CFAP74: variants seen among roughly 807,000 people sequenced by gnomAD.
The protein encoded by CFAP74 is cilia and flagella associated protein 74.
CFAP74 carries 124 observed loss-of-function variants against 188.9 expected under a neutral mutation model. The ratio of observed to expected loss-of-function variants is 0.66; its 90% CI spans 0.57 to 0.76. The LOEUF (loss-of-function observed/expected upper bound fraction) is 0.76, where lower values mean the gene tolerates loss of function less well. CFAP74 is among the 30% of genes least tolerant of loss of function. The pLI is 0.00. For synonymous variants in CFAP74, 956 were observed against 916.7 expected (o/e 1.04, Z -0.77); for missense variants, 2,198 against 2,165.2 (o/e 1.02, Z -0.30).
chr1:1,944,216 C>CACCCCGTGTGT, intron 21 of CFAP74, 115 bp downstream of exon 21: 3 of 806,814 alleles, frequency 3.7e-6, no homozygotes, highest in Middle Eastern at 3.3e-4. Context: ...ACCCCGTGTG[C>CACCCCGTGTGT]GTGGGTCACC....
intron 1 of CFAP74, among the ~76,000 whole-genome samples, chr1:1,995,511 A>G (rs1570998528): frequency 2.1e-5 from 3 of 145,906 alleles, no homozygotes; most frequent in Admixed American, 6.8e-5. Context: ...AAAAAAAAAA[A>G]CAGTTGAAGA....
chr1:1,947,943 A>C (rs1264885068), intron 18 of CFAP74, among the ~76,000 whole-genome samples: 1 of 151,342 alleles, frequency 6.6e-6, no homozygotes, highest in Non-Finnish European at 1.5e-5. Flanking sequence ...TGTGATCTTG[A>C]CTCACTGCAA....
At chr1:1,995,006 G>C (rs903090274) in intron 1 of CFAP74, among the ~76,000 whole-genome samples, 4 of 152,146 alleles carry the variant, frequency 2.6e-5, no homozygotes, top group African/African-American at 9.7e-5. Flanking sequence ...TCGCCACACA[G>C]CTGTGAAAGG....
At chr1:1,936,564 A>AAAAAAAG (rs1427147639) in intron 25 of CFAP74, among the ~76,000 whole-genome samples, 4 of 151,904 alleles carry the variant, frequency 2.6e-5, no homozygotes. Context: ...CAAAAAAAGA[A>AAAAAAAG]AAAAAAGAAA....
In CFAP74 at chr1:1,975,312, GTTT is replaced by G. The variant is rs1656369125; in HGVS notation, c.501-1117_501-1115del. On this transcript the variant is annotated intron_variant, in intron 6 of 38. Transcript: ENST00000682832. The surrounding 1 kb of genome is among the most constrained non-coding windows in gnomAD (Gnocchi z 4.5). ...ATATGTTGAATTGAGATACTCAATG[GTTT>G]TCTCTTTTAACGTGTTAATGTCAAG... 2.0e-5 allele frequency among the ~76,000 whole-genome samples: 3 copies of G among 152,194 alleles called. No individual in the cohort carries two copies. In the South Asian group the frequency reaches 6.2e-4, roughly 32 times the overall value.
intron 5 of CFAP74, 117 bp downstream of exon 5, chr1:1,986,820 G>A: frequency 1.3e-6 from 1 of 785,208 alleles, no homozygotes; most frequent in South Asian, 1.7e-5. Context: ...GCCTCACACT[G>A]GGGCTCCTCA....
intron 14 of CFAP74, among the ~76,000 whole-genome samples, chr1:1,960,876 AC>A (rs1158433587): frequency 6.6e-6 from 1 of 152,144 alleles, no homozygotes; most frequent in Non-Finnish European, 1.5e-5. Context: ...CGAGCTCCAA[AC>A]CCTTCAGATG....
chr1:1,962,350 C>T (rs550421284), intron 14 of CFAP74, among the ~76,000 whole-genome samples: 1 of 151,874 alleles, frequency 6.6e-6, no homozygotes, highest in East Asian at 1.9e-4. Flanking sequence ...GTGGCAGGCG[C>T]CTGTTATCCG....
intron 27 of CFAP74, among the ~76,000 whole-genome samples, chr1:1,928,421 G>A (rs1027302483): frequency 6.6e-6 from 1 of 152,188 alleles, no homozygotes; most frequent in African/African-American, 2.4e-5. Flanking sequence ...TCCAGGGCCG[G>A]CACTTGTGGG....
At chr1:1,987,574 G>A (rs760529469) in intron 4 of CFAP74, among the ~76,000 whole-genome samples, 14 of 150,136 alleles carry the variant, frequency 9.3e-5, no homozygotes, top group African/African-American at 2.7e-4. Flanking sequence ...ACAGAGCCTC[G>A]CTTGTCACCC....
At chr1:1,986,300 T>C (rs143052007) in intron 5 of CFAP74, among the ~76,000 whole-genome samples, 1,968 of 152,294 alleles carry the variant, frequency 0.013, 41 homozygotes, top group African/African-American at 0.045. Flanking sequence ...AGCAGAGAAT[T>C]GCTTAAACCT....
At chr1:1,959,039 C>T in intron 16 of CFAP74, 81 bp downstream of exon 16, 1 of 976,320 alleles carries the variant, frequency 1.0e-6, no homozygotes, top group Non-Finnish European at 1.6e-6. Context: ...CCTGCACCCC[C>T]TCCCAGGAGA....
intron 25 of CFAP74, among the ~76,000 whole-genome samples, chr1:1,938,334 TCACA>T (rs72502755): frequency 6.8e-6 from 1 of 147,674 alleles, no homozygotes; most frequent in Non-Finnish European, 1.5e-5. Flanking sequence ...CACAAGGCAC[TCACA>T]CACACACGCT....
At chr1:1,940,851 G>A (rs372148622) in intron 22 of CFAP74, among the ~76,000 whole-genome samples, 1 of 152,222 alleles carries the variant, frequency 6.6e-6, no homozygotes. Context: ...GGTGGCTCAC[G>A]CCTGTAATCC....
In CFAP74 at chr1:1,964,858, G is replaced by A. The variant is rs370037029; in HGVS notation, c.1575+30C>T. On this transcript the variant is annotated intron_variant, in intron 13 of 38. Coordinates refer to ENST00000682832, the MANE Select transcript of CFAP74 (RefSeq NM_001304360.2). ...CCCCTGCTGTCCTGTGCTGCTGCCC[G>A]TCCCGTTCCTGGCCCAGCTGCGGGC... The A allele has an allele frequency of 8.4e-5, 136 of 1,612,448 alleles. No homozygotes were observed. In the East Asian group the frequency reaches 1.3e-3, roughly 15 times the overall value.
At position 1,985,237 on chromosome 1, in the gene CFAP74, A is replaced by G. The variant is rs1443134350; in HGVS notation, c.500+149T>C. The G allele has an allele frequency of 4.7e-6, 3 of 636,996 alleles. No homozygotes were observed. In the African/African-American group the frequency reaches 5.4e-5, roughly 12 times the overall value. The allele number at this position is 636,996 out of a possible 1,614,324, so 39.5% of individuals were successfully genotyped here. On this transcript the variant is annotated intron_variant, in intron 6 of 38. Coordinates refer to ENST00000682832, the MANE Select transcript of CFAP74 (RefSeq NM_001304360.2). ...AACGTGAAGACTAACCCTTCCAACC[A>G]CTGCATTCACCGAGTCCCCTTTCCA...
At position 1,922,184 on chromosome 1, in the gene CFAP74, A is replaced by T; in HGVS notation, c.*103T>A. ...AGGGCGGCCTATTGGAATCTGGCAG[A>T]GGATGGCCAGGTCCCAGGCTCTAGG... On this transcript the variant is annotated 3_prime_UTR_variant, in exon 39 of 39. Transcript: ENST00000682832. 1.4e-6 allele frequency: 1 copy of T among 730,954 alleles called. No homozygotes were observed. The highest frequency in any genetic ancestry group is 2.8e-5 in the East Asian group (1 of 35,764). 45.3% of individuals were successfully genotyped at this position (730,954 alleles called of 1,614,324 possible). A position where few individuals can be genotyped will look rare whatever the true frequency, so the allele number is the denominator to read the frequency against.
At position 1,970,101 on chromosome 1, in the gene CFAP74, G is replaced by A. The variant is rs539831865; in HGVS notation, c.1046+558C>T. Among the ~76,000 whole-genome samples the A allele has an allele frequency of 3.3e-5, 5 of 152,346 alleles. No individual in the cohort carries two copies. In the East Asian group the frequency reaches 7.7e-4, roughly 24 times the overall value. ...GCCCGTGGGTGGGGGGTCCGAGAGG[G>A]CAACATGGGCCCCCGTTTGGAGAAG... On this transcript the variant is annotated intron_variant, in intron 10 of 38. Coordinates refer to ENST00000682832, the MANE Select transcript of CFAP74 (RefSeq NM_001304360.2).
chr1:1,965,026 G>A lies in CFAP74; in HGVS notation c.1437C>T (p.Gly479=), dbSNP rs368009585. Residue 479 remains glycine, a synonymous_variant, in exon 13 of 39, where the codon GGC becomes GGT. Coordinates refer to ENST00000682832, the MANE Select transcript of CFAP74 (RefSeq NM_001304360.2). ...PKEDVDRKPV[G]GTKMDKDILE... is the part of the protein sequence containing the mutation. ...GGATGTCCTTGTCCATCTTTGTCCC[G>A]CCCACGGGCTTTCGGTCCACGTCCT... 2.0e-4 allele frequency: 316 copies of A among 1,613,608 alleles called. 1 individual carries two copies. The African/African-American group carries it at 3.3e-3, about 17-fold the overall frequency.
Sources: allele counts gnomAD v4.1 joint callset (sites outside exome capture counted in the v4.1 genomes callset), GRCh38; gene constraint gnomAD v4.1.1; non-coding constraint Gnocchi (gnomAD v3.1); transcripts MANE v1.5; gene names NCBI Gene and HGNC (gene_info 2026-07-23, HGNC 2026-07-21).